The following PCDH11X variants were observed in gnomAD, a reference collection of about 807,000 sequenced individuals.
PCDH11X encodes the protein protocadherin-11 X-linked.
A neutral mutation model predicts 53.3 loss-of-function variants in PCDH11X; 18 were observed. The ratio of observed to expected loss-of-function variants is 0.34; its 90% CI spans 0.23 to 0.50. The LOEUF is 0.50. PCDH11X is among the 20% of genes least tolerant of loss of function. The probability of loss-of-function intolerance (pLI) is 0.98; values close to 1 mark genes in which losing one functional copy is unlikely to be tolerated. For synonymous variants in PCDH11X, 279 were observed against 393.3 expected (o/e 0.71, Z 3.44); for missense variants, 570 against 1,032.4 (o/e 0.55, Z 6.14).
intron 8 of PCDH11X, among the ~76,000 whole-genome samples, chrX:92,384,785 G>A (rs1258816105): frequency 1.9e-5 from 2 of 106,383 alleles, no homozygotes; most frequent in East Asian, 2.9e-4. Flanking sequence ...AGCAGTTTAG[G>A]GAGGGTCAGA....
intron 6 of PCDH11X, among the ~76,000 whole-genome samples, chrX:91,941,419 T>C (rs1360075044): frequency 1.8e-5 from 2 of 110,767 alleles, no homozygotes; most frequent in Admixed American, 9.7e-5. Flanking sequence ...GGCTATTTAA[T>C]ATCAGAAAAA....
chrX:91,984,830 A>C (rs758882301), intron 6 of PCDH11X, among the ~76,000 whole-genome samples: 2 of 111,615 alleles, frequency 1.8e-5, no homozygotes, highest in East Asian at 5.7e-4. Context: ...CAACATATGT[A>C]TGCTTCTTCA....
intron 6 of PCDH11X, among the ~76,000 whole-genome samples, chrX:92,181,816 G>A (rs757251476): frequency 8.9e-6 from 1 of 112,715 alleles, no homozygotes; most frequent in South Asian, 3.6e-4. Flanking sequence ...GGTTTCAGAG[G>A]ATGTATGGAA....
At chrX:92,609,748 C>T (rs1365301698) in intron 10 of PCDH11X, among the ~76,000 whole-genome samples, 1 of 110,576 alleles carries the variant, frequency 9.0e-6, no homozygotes, top group East Asian at 2.8e-4. Flanking sequence ...AACCCTTTCT[C>T]CCCTCTCTCC....
At chrX:92,112,008 C>T (rs1237767541) in intron 6 of PCDH11X, among the ~76,000 whole-genome samples, 2 of 108,402 alleles carry the variant, frequency 1.8e-5, no homozygotes, top group Non-Finnish European at 3.8e-5. Flanking sequence ...CCACCCGCCT[C>T]GGCCTCCCAA....
chrX:91,933,380 G>A (rs897878538), intron 6 of PCDH11X, among the ~76,000 whole-genome samples: 7 of 107,239 alleles, frequency 6.5e-5, no homozygotes, highest in Admixed American at 2.0e-4. Flanking sequence ...AAATACCTTA[G>A]TAAAATATTA....
chrX:92,100,483 G>C (rs1484207093), intron 6 of PCDH11X, among the ~76,000 whole-genome samples: 1 of 110,524 alleles, frequency 9.0e-6, no homozygotes, highest in African/African-American at 3.3e-5. Flanking sequence ...GCCAGGATGA[G>C]CCAGGAAAAG....
intron 7 of PCDH11X, among the ~76,000 whole-genome samples, chrX:92,221,368 G>T (rs34636359): frequency 0.051 from 5,314 of 105,011 alleles, 254 homozygotes; most frequent in East Asian, 0.19. Flanking sequence ...GATTGGTTCT[G>T]GTCCGAGGCA....
intron 6 of PCDH11X, among the ~76,000 whole-genome samples, chrX:92,019,241 A>G (rs1388275009): frequency 9.2e-6 from 1 of 109,067 alleles, no homozygotes; most frequent in Non-Finnish European, 1.9e-5. Flanking sequence ...GCTTTTGTCA[A>G]GAGCCTCTGG....
At chrX:92,391,822 C>G (rs2071134982) in intron 9 of PCDH11X, among the ~76,000 whole-genome samples, 1 of 110,649 alleles carries the variant, frequency 9.0e-6, no homozygotes, top group African/African-American at 3.3e-5. Flanking sequence ...TATAATTTTC[C>G]AGCTTCATTG....
chrX:92,062,901 G>A (rs1404171638), intron 6 of PCDH11X, among the ~76,000 whole-genome samples: 1 of 111,402 alleles, frequency 9.0e-6, no homozygotes, highest in Non-Finnish European at 1.9e-5. Flanking sequence ...GCACACTTAT[G>A]TTTGTTGCAG....
At position 92,182,043 on chromosome X, in the gene PCDH11X, C is replaced by T. The variant is rs779705012; in HGVS notation, c.3034-19332C>T. Among the ~76,000 whole-genome samples the T allele has an allele frequency of 2.7e-4, 30 of 112,059 alleles. No individual in the cohort carries two copies. The South Asian group carries it at 5.9e-3, about 22-fold the overall frequency. ...TTGCACTGTGTACCTGGAAAAGCCA[C>T]GGGCACTCAATGCCAGCCAGTAAAA... On this transcript the variant is annotated intron_variant, in intron 6 of 10. Transcript: ENST00000682573.
Position 92,473,067 on chromosome X carries a change from G to C in PCDH11X, c.3367+4745G>C, listed in dbSNP as rs761381045. Among the ~76,000 whole-genome samples the C allele has an allele frequency of 4.0e-3, 430 of 106,763 alleles. 3 individuals carry two copies. The highest frequency in any genetic ancestry group is 0.014 in the African/African-American group (407 of 29,091). 92.7% of individuals were successfully genotyped at this position (106,763 alleles called of 115,157 possible). On this transcript the variant is annotated intron_variant, in intron 10 of 10. Coordinates refer to ENST00000682573, the MANE Select transcript of PCDH11X (RefSeq NM_032968.5). ...TTTTTTTTTTTAGATATAGGGTCAT[G>C]TCATCTGCAAACAGAGATAGTTTGA...
chrX:92,518,321 C>G (rs1224581216), intron 10 of PCDH11X, among the ~76,000 whole-genome samples: 2 of 111,138 alleles, frequency 1.8e-5, no homozygotes, highest in African/African-American at 6.5e-5. Context: ...TTACTTTATC[C>G]TTACCTATCA....
intron 8 of PCDH11X, among the ~76,000 whole-genome samples, chrX:92,372,172 G>T (rs776149817): frequency 1.9e-3 from 211 of 110,045 alleles, no homozygotes; most frequent in Admixed American, 3.5e-3. Flanking sequence ...ACAAAAGTGT[G>T]CTGATAGACA....
chrX:92,186,080 A>G (rs1406742386), intron 6 of PCDH11X, among the ~76,000 whole-genome samples: 1 of 111,862 alleles, frequency 8.9e-6, no homozygotes, highest in Non-Finnish European at 1.9e-5. Context: ...AGCACTATAC[A>G]TGATAGCTAA....
intron 6 of PCDH11X, among the ~76,000 whole-genome samples, chrX:92,001,668 A>C (rs1434073281): frequency 9.2e-6 from 1 of 108,967 alleles, no homozygotes; most frequent in Non-Finnish European, 1.9e-5. Context: ...GGGTTTCTCC[A>C]TGTTGGTCAG....
intron 9 of PCDH11X, among the ~76,000 whole-genome samples, chrX:92,466,855 C>G (rs921046154): frequency 2.7e-5 from 3 of 109,544 alleles, no homozygotes; most frequent in African/African-American, 9.9e-5. Flanking sequence ...CTAGACAACA[C>G]TGAAATTGCA....
intron 6 of PCDH11X, among the ~76,000 whole-genome samples, chrX:92,122,281 C>T (rs1216030433): frequency 7.2e-5 from 8 of 110,957 alleles, no homozygotes; most frequent in South Asian, 3.8e-4. Flanking sequence ...TGTGCCCAGC[C>T]GCAGTCACCT....
Sources: gnomAD v4.1 joint callset for allele counts (sites outside exome capture counted in the v4.1 genomes callset) on GRCh38, gnomAD v4.1.1 for gene constraint, MANE v1.5 for transcripts, NCBI Gene and HGNC (gene_info 2026-07-23, HGNC 2026-07-21) for gene names.